NOL10: variants seen among roughly 807,000 people sequenced by gnomAD.
NOL10 encodes H_NH0074G24.1.
A neutral mutation model predicts 103.5 loss-of-function variants in NOL10; 58 were observed. That is an observed-to-expected ratio of 0.56 (90% CI 0.45 to 0.70). The LOEUF is 0.70. Ranked by LOEUF, NOL10 falls within the 30% of genes least tolerant of loss-of-function variation. The probability of loss-of-function intolerance (pLI) is 0.00; values close to 1 mark genes in which losing one functional copy is unlikely to be tolerated. For synonymous variants in NOL10, 287 were observed against 282.5 expected, an observed-to-expected ratio of 1.02 and a Z score of -0.16; for missense variants, 763 against 807.3, an observed-to-expected ratio of 0.95 and a Z score of 0.67.
chr2:10,637,003 A>G (rs1678278357), intron 13 of NOL10, among the ~76,000 whole-genome samples: 1 of 152,060 alleles, frequency 6.6e-6, no homozygotes, highest in Admixed American at 6.6e-5. Flanking sequence ...GGAATTCAAG[A>G]CCAGCCTGGC....
At chr2:10,630,368 G>A (rs568043454) in intron 13 of NOL10, among the ~76,000 whole-genome samples, 1 of 152,206 alleles carries the variant, frequency 6.6e-6, no homozygotes. Context: ...AATGTGGAAG[G>A]AAGAAATGCT....
chr2:10,639,004 T>C (rs1039555463), intron 13 of NOL10, among the ~76,000 whole-genome samples: 34 of 151,434 alleles, frequency 2.2e-4, no homozygotes, highest in African/African-American at 7.8e-4. Context: ...GGTTTCACTA[T>C]GTTTGCTAGG....
At chr2:10,608,376 C>CT (rs1558286563) in intron 13 of NOL10, among the ~76,000 whole-genome samples, 1 of 152,178 alleles carries the variant, frequency 6.6e-6, no homozygotes, top group Admixed American at 6.5e-5. Context: ...TCATAAAATA[C>CT]TATGATCACT....
chr2:10,682,241 G>A (rs1024007167), intron 2 of NOL10, among the ~76,000 whole-genome samples, 172 bp from the exon 3 acceptor site: 1 of 151,860 alleles, frequency 6.6e-6, no homozygotes, highest in Non-Finnish European at 1.5e-5. Context: ...AAACAGCAGA[G>A]GTTTTTTCCT....
chr2:10,654,385 TAAA>T, intron 12 of NOL10, 93 bp downstream of exon 12: 1 of 901,582 alleles, frequency 1.1e-6, no homozygotes, highest in Non-Finnish European at 1.7e-6. Context: ...GTTTAAAACC[TAAA>T]AAAGTATAGC....
At chr2:10,602,168 CT>C (rs1419387676) in intron 16 of NOL10, among the ~76,000 whole-genome samples, 5 of 152,252 alleles carry the variant, frequency 3.3e-5, no homozygotes, top group Non-Finnish European at 7.3e-5. Flanking sequence ...TGGAACCGGC[CT>C]GTGGCCCCTC....
chr2:10,645,091 T>C (rs1190766190), intron 12 of NOL10, among the ~76,000 whole-genome samples: 1 of 152,194 alleles, frequency 6.6e-6, no homozygotes, highest in East Asian at 1.9e-4. Flanking sequence ...CTTTCACATA[T>C]ACTATCTTAG....
intron 9 of NOL10, among the ~76,000 whole-genome samples, chr2:10,659,580 T>C (rs1471032281): frequency 1.3e-5 from 2 of 150,952 alleles, no homozygotes; most frequent in African/African-American, 4.9e-5. Context: ...GCTACTTGGG[T>C]GGCTGAGGCA....
chr2:10,668,769 A>G, intron 6 of NOL10, 46 bp from the exon 7 acceptor site: 1 of 784,828 alleles, frequency 1.3e-6, no homozygotes, highest in South Asian at 2.5e-5. Context: ...ACTACAATGA[A>G]ACTTTAAGTA....
chr2:10,685,510 C>CAAA, intron 1 of NOL10, among the ~76,000 whole-genome samples: 1 of 38,534 alleles, frequency 2.6e-5, no homozygotes, highest in Non-Finnish European at 7.1e-5. Flanking sequence ...CCCCCCCCGC[C>CAAA]AAAAAAAAAG....
intron 13 of NOL10, among the ~76,000 whole-genome samples, chr2:10,634,922 A>G (rs1678101072): frequency 6.6e-6 from 1 of 152,226 alleles, no homozygotes; most frequent in Non-Finnish European, 1.5e-5. Flanking sequence ...ATGTATGTTC[A>G]AGGAGAAAGG....
At chr2:10,657,375 A>C (rs1402527583) in intron 11 of NOL10, among the ~76,000 whole-genome samples, 1 of 152,156 alleles carries the variant, frequency 6.6e-6, no homozygotes, top group African/African-American at 2.4e-5. Context: ...ACCAACATGC[A>C]TGGAAGGATA....
At chr2:10,581,045 G>T (rs1209032782) in intron 19 of NOL10, among the ~76,000 whole-genome samples, 1 of 152,158 alleles carries the variant, frequency 6.6e-6, no homozygotes, top group East Asian at 1.9e-4. Context: ...TATGCCATAA[G>T]GTTTAGTAAA....
At chr2:10,652,202 T>A (rs2148299578) in intron 12 of NOL10, among the ~76,000 whole-genome samples, 1 of 149,582 alleles carries the variant, frequency 6.7e-6, no homozygotes, top group South Asian at 2.1e-4. Flanking sequence ...ATTGCGCCAC[T>A]GCACTCCAGC....
At chr2:10,658,141 A>C (rs1679967305) in intron 10 of NOL10, among the ~76,000 whole-genome samples, 1 of 152,254 alleles carries the variant, frequency 6.6e-6, no homozygotes, top group Non-Finnish European at 1.5e-5. Flanking sequence ...AGAAAGAACA[A>C]AAAATGAAAG....
chr2:10,639,281 G>C (rs1678536843), intron 13 of NOL10, among the ~76,000 whole-genome samples: 1 of 152,096 alleles, frequency 6.6e-6, no homozygotes, highest in Non-Finnish European at 1.5e-5. Context: ...AATTAGCTGG[G>C]CGTGGCAGCG....
intron 13 of NOL10, among the ~76,000 whole-genome samples, chr2:10,633,219 T>C (rs1677957107): frequency 6.6e-6 from 1 of 152,082 alleles, no homozygotes; most frequent in South Asian, 2.1e-4. Context: ...GTCTTTCTTT[T>C]TTATTTTACT....
intron 13 of NOL10, among the ~76,000 whole-genome samples, chr2:10,641,666 A>G (rs955503078): frequency 6.6e-6 from 1 of 152,344 alleles, no homozygotes; most frequent in Admixed American, 6.5e-5. Flanking sequence ...CATTTGCCCA[A>G]GCAAAAACCG....
At position 10,571,364 on chromosome 2, in the gene NOL10, TG is replaced by T. The variant is rs1674168178; in HGVS notation, c.*706del. 1 of 152,822 alleles carries T rather than the reference TG, an allele frequency of 6.5e-6. No individual in the cohort carries two copies. 9.5% of individuals were successfully genotyped at this position (152,822 alleles called of 1,614,324 possible). ...CCAGGGCCTCCACAGCCATGCTTCC[TG>T]TACCACCTGTAGAACTGTGAGTCAA... is the stretch of plus-strand genomic sequence containing the variant. On this transcript the variant is annotated 3_prime_UTR_variant, in exon 21 of 21. Transcript: ENST00000381685.
Sources: gnomAD v4.1 joint callset for allele counts (sites outside exome capture counted in the v4.1 genomes callset) on GRCh38, gnomAD v4.1.1 for gene constraint, MANE v1.5 for transcripts, NCBI Gene and HGNC (gene_info 2026-07-23, HGNC 2026-07-21) for gene names.